OSTF1: variants seen among roughly 807,000 people sequenced by gnomAD.
OSTF1 encodes the protein osteoclast-stimulating factor 1.
OSTF1 carries 27 observed loss-of-function variants against 37.2 expected under a neutral mutation model. That is an observed-to-expected ratio of 0.73 (90% CI 0.54 to 1.00). The LOEUF is 1.00. OSTF1 is among the 50% of genes least tolerant of loss of function. The probability of loss-of-function intolerance (pLI) is 0.00; values close to 1 mark genes in which losing one functional copy is unlikely to be tolerated. For synonymous variants in OSTF1, 82 were observed against 89.2 expected, an observed-to-expected ratio of 0.92 and a Z score of 0.46; for missense variants, 232 against 253.8, an observed-to-expected ratio of 0.91 and a Z score of 0.58.
chr9:75,132,333 CTTGA>C (rs4013824), intron 5 of OSTF1, among the ~76,000 whole-genome samples: 35,706 of 152,084 alleles, frequency 0.23, 4,288 homozygotes, highest in Non-Finnish European at 0.25. Context: ...GGGGAAGATC[CTTGA>C]CCAAACAACG....
chr9:75,139,027 C>CT (rs566366498), intron 8 of OSTF1, among the ~76,000 whole-genome samples: 29 of 120,538 alleles, frequency 2.4e-4, no homozygotes, highest in Admixed American at 5.9e-4. Flanking sequence ...TTTGGGGACA[C>CT]TTCTTTCTTT....
intron 6 of OSTF1, among the ~76,000 whole-genome samples, chr9:75,134,106 A>G (rs1825807561): frequency 6.6e-6 from 1 of 152,226 alleles, no homozygotes; most frequent in African/African-American, 2.4e-5. Context: ...GAATGTAAAA[A>G]TATTCCTCTA....
chr9:75,115,441 G>T (rs546299607), intron 1 of OSTF1, among the ~76,000 whole-genome samples: 18 of 152,128 alleles, frequency 1.2e-4, no homozygotes, highest in African/African-American at 4.3e-4. Context: ...ACAGGTGCAC[G>T]CCATCATGCC....
rs1482444677 is a variant in OSTF1 at position 75,128,390 on chromosome 9, A to T, written c.132+771A>T. On this transcript the variant is annotated intron_variant, in intron 3 of 9. Transcript: ENST00000346234. Reference sequence around the variant, plus strand: ...TATATATATATATATATATATATATATATATATATATATATATTTTGTCCA... The same window carrying T: ...TATATATATATATATATATATATATTTATATATATATATATATTTTGTCCA... Among the ~76,000 whole-genome samples, 33 of 86,494 alleles carry T rather than the reference A, an allele frequency of 3.8e-4. 2 individuals carry two copies. Among genetic ancestry groups the T allele is most frequent in the African/African-American group, 1.1e-3 (20 of 18,302 alleles). 56.7% of individuals were successfully genotyped at this position (86,494 alleles called of 152,430 possible).
intron 1 of OSTF1, among the ~76,000 whole-genome samples, chr9:75,106,106 AGTG>A (rs1825279136): frequency 6.6e-6 from 1 of 152,148 alleles, no homozygotes; most frequent in Admixed American, 6.6e-5. Context: ...GGATAGGGGA[AGTG>A]GTGGGGAAGA....
chr9:75,127,233 G>A (rs2118560368), intron 2 of OSTF1, among the ~76,000 whole-genome samples: 2 of 152,164 alleles, frequency 1.3e-5, no homozygotes, highest in Admixed American at 1.3e-4. Context: ...ATATTTTTAT[G>A]AAAAAATGTA....
chr9:75,128,061 A>T (rs963942572), intron 3 of OSTF1, among the ~76,000 whole-genome samples: 18 of 151,938 alleles, frequency 1.2e-4, no homozygotes, highest in Non-Finnish European at 2.5e-4. Flanking sequence ...TTATTCTATG[A>T]AGAGTAAAGA....
intron 1 of OSTF1, among the ~76,000 whole-genome samples, chr9:75,109,013 C>A (rs1041301934): frequency 2.0e-5 from 3 of 150,746 alleles, no homozygotes; most frequent in Admixed American, 6.6e-5. Context: ...GATAAAATCT[C>A]AGGTTTATTC....
intron 1 of OSTF1, among the ~76,000 whole-genome samples, chr9:75,107,520 G>T (rs924323087): frequency 6.6e-6 from 1 of 152,142 alleles, no homozygotes. Flanking sequence ...GCTTTTGGGG[G>T]AAATGGGAGA....
intron 1 of OSTF1, among the ~76,000 whole-genome samples, chr9:75,105,112 C>G (rs747388325): frequency 1.2e-4 from 18 of 152,114 alleles, no homozygotes; most frequent in Non-Finnish European, 2.2e-4. Flanking sequence ...AATTTTCTGT[C>G]TTTAATCTTG....
rs577182635 is a variant in OSTF1 at position 75,116,160 on chromosome 9, A to G, written c.35-1344A>G. ...ATAATACAAATAAAAATTACAATAT[A>G]ACTATTTACATAGTATGTACATTGC... On this transcript the variant is annotated intron_variant, in intron 1 of 9. Transcript: ENST00000346234. 5.3e-5 allele frequency among the ~76,000 whole-genome samples: 8 copies of G among 152,084 alleles called. No individual in the cohort carries two copies. In the South Asian group the frequency reaches 1.7e-3, roughly 32 times the overall value.
chr9:75,123,304 C>T lies in OSTF1; in HGVS notation c.82-4265C>T, dbSNP rs189901483. Among the ~76,000 whole-genome samples, 84 of 152,318 alleles carry T rather than the reference C, an allele frequency of 5.5e-4. 1 individual carries two copies. Among genetic ancestry groups the T allele is most frequent in the Non-Finnish European group, 1.1e-3 (73 of 68,026 alleles). On this transcript the variant is annotated intron_variant, in intron 2 of 9. Transcript: ENST00000346234. ...GGGCGAGGTGGCAGGCACCTGTAGT[C>T]CCAGCTACTCCGGAGGCTGAGGCAG...
At chr9:75,113,049 C>T (rs1825419881) in intron 1 of OSTF1, among the ~76,000 whole-genome samples, 1 of 152,084 alleles carries the variant, frequency 6.6e-6, no homozygotes, top group South Asian at 2.1e-4. Flanking sequence ...CAAAAAATTT[C>T]TACTTTTGTG....
chr9:75,096,522 A>G (rs1825089137), intron 1 of OSTF1, among the ~76,000 whole-genome samples: 1 of 152,012 alleles, frequency 6.6e-6, no homozygotes, highest in Non-Finnish European at 1.5e-5. Context: ...GTTTATACTC[A>G]TGCTAGAGGG....
At chr9:75,142,942 C>CTTTT (rs35793257) in intron 9 of OSTF1, among the ~76,000 whole-genome samples, 11 of 141,624 alleles carry the variant, frequency 7.8e-5, no homozygotes, top group African/African-American at 7.8e-5. Flanking sequence ...TTGTTGTCCA[C>CTTTT]TTTTTTTTTT....
intron 2 of OSTF1, among the ~76,000 whole-genome samples, chr9:75,122,745 C>T (rs898287177): frequency 1.3e-5 from 2 of 152,142 alleles, no homozygotes; most frequent in Non-Finnish European, 2.9e-5. Flanking sequence ...GCACCCACTT[C>T]ATAGTGTTCT....
chr9:75,136,832 C>A (rs1587474975), intron 7 of OSTF1, among the ~76,000 whole-genome samples: 1 of 152,138 alleles, frequency 6.6e-6, no homozygotes, highest in South Asian at 2.1e-4. Flanking sequence ...GAAAGTGACA[C>A]TCCTTCCCTT....
intron 1 of OSTF1, among the ~76,000 whole-genome samples, chr9:75,107,616 A>G (rs1564157016): frequency 6.6e-6 from 1 of 152,268 alleles, no homozygotes; most frequent in African/African-American, 2.4e-5. Context: ...ATTTTATCAG[A>G]TAGTCTGGAG....
chr9:75,118,815 C>T (rs1344630500), intron 2 of OSTF1, among the ~76,000 whole-genome samples: 1 of 152,152 alleles, frequency 6.6e-6, no homozygotes, highest in African/African-American at 2.4e-5. Flanking sequence ...GAAATTGCTC[C>T]CATGATTCAA....
Sources: gnomAD v4.1 joint callset for allele counts (sites outside exome capture counted in the v4.1 genomes callset) on GRCh38, gnomAD v4.1.1 for gene constraint, MANE v1.5 for transcripts, NCBI Gene and HGNC (gene_info 2026-07-23, HGNC 2026-07-21) for gene names.